The following MTMR14 variants were observed in gnomAD, a reference collection of about 807,000 sequenced individuals.
MTMR14 encodes the protein myotubularin related protein 14.
In MTMR14, 48 loss-of-function variants were observed where a neutral mutation model predicts 86.3. That is an observed-to-expected ratio of 0.56 (90% CI 0.44 to 0.71). MTMR14 has a LOEUF of 0.71. Among genes scored for constraint, MTMR14 ranks in the 30% least tolerant of loss-of-function variants. MTMR14 has a pLI of 0.00. For synonymous variants in MTMR14, 366 were observed against 326.1 expected (o/e 1.12, Z -1.32); for missense variants, 780 against 834.6 (o/e 0.93, Z 0.81).
chr3:9,687,519 C>T (rs1432592608), intron 13 of MTMR14, among the ~76,000 whole-genome samples: 1 of 151,814 alleles, frequency 6.6e-6, no homozygotes, highest in African/African-American at 2.4e-5. Flanking sequence ...CACGCCATTG[C>T]ACTCCAGCCT....
intron 13 of MTMR14, among the ~76,000 whole-genome samples, chr3:9,686,135 T>C (rs1461454965): frequency 6.6e-6 from 1 of 152,188 alleles, no homozygotes; most frequent in Non-Finnish European, 1.5e-5. Context: ...CCGTCTCAGC[T>C]GCTCCTCTCC....
chr3:9,694,648 G>C (rs924497330), intron 17 of MTMR14, among the ~76,000 whole-genome samples: 1 of 152,170 alleles, frequency 6.6e-6, no homozygotes, highest in African/African-American at 2.4e-5. Context: ...TCATTTGTCC[G>C]AGAGCCTGTA....
Position 9,686,867 on chromosome 3 carries a change from C to T in MTMR14, c.1165-954C>T, listed in dbSNP as rs532546982. 7.2e-5 allele frequency among the ~76,000 whole-genome samples: 11 copies of T among 152,254 alleles called. No individual in the cohort carries two copies. The South Asian group carries it at 2.3e-3, about 32-fold the overall frequency. On this transcript the variant is annotated intron_variant, in intron 13 of 18. Transcript: ENST00000296003. ...TGTGTGCTTCCTGGAGGCCCCTGGG[C>T]GAGGCACTGGCTGGAAGGGAGAAGA...
At chr3:9,675,392 G>A (rs1444786656) in intron 7 of MTMR14, 11 of 266,274 alleles carry the variant, frequency 4.1e-5, no homozygotes, top group Non-Finnish European at 7.7e-5. Context: ...ACCAAGTCAC[G>A]AGCTGCACTT....
chr3:9,661,963 T>G (rs1215120802), intron 2 of MTMR14, among the ~76,000 whole-genome samples: 1 of 151,900 alleles, frequency 6.6e-6, no homozygotes, highest in Admixed American at 6.6e-5. Flanking sequence ...GGCTCACACC[T>G]GTAGTCACAG....
At chr3:9,671,863 A>T (rs182644750) in intron 6 of MTMR14, among the ~76,000 whole-genome samples, 1 of 152,196 alleles carries the variant, frequency 6.6e-6, no homozygotes, top group Non-Finnish European at 1.5e-5. Context: ...AAATGATCCT[A>T]AAAGGTGGTC....
intron 9 of MTMR14, among the ~76,000 whole-genome samples, chr3:9,682,007 C>T (rs759655293): frequency 1.3e-5 from 2 of 152,210 alleles, no homozygotes; most frequent in South Asian, 2.1e-4. Context: ...CTGCCCTCCC[C>T]GGCTGCTGCA....
chr3:9,664,533 A>G (rs1253755161), intron 3 of MTMR14, among the ~76,000 whole-genome samples: 1 of 152,140 alleles, frequency 6.6e-6, no homozygotes, highest in Non-Finnish European at 1.5e-5. Flanking sequence ...TAAAGAAAAT[A>G]TGGTACATGT....
In MTMR14 at chr3:9,679,001, C is replaced by T. The variant is rs908447039; in HGVS notation, c.897+943C>T. On this transcript the variant is annotated intron_variant, in intron 9 of 18. Transcript: ENST00000296003. ...TGTCCCCAGGTCTGGACAGCTCCCA[C>T]CCAGCCTTGAGATCTCTCTTTCTTT... Among the ~76,000 whole-genome samples the T allele has an allele frequency of 2.0e-5, 3 of 152,206 alleles. No individual in the cohort carries two copies. The South Asian group carries it at 6.2e-4, about 31-fold the overall frequency.
intron 17 of MTMR14, among the ~76,000 whole-genome samples, chr3:9,693,919 G>A (rs1259273892): frequency 6.6e-6 from 1 of 152,192 alleles, no homozygotes; most frequent in Non-Finnish European, 1.5e-5. Flanking sequence ...GCCTGATCAA[G>A]GTTCCAGCTC....
At position 9,701,395 on chromosome 3, in the gene MTMR14, T is replaced by C; in HGVS notation, c.1770-395T>C. ...GCCTGGGCAACATGGTAAAACCCTA[T>C]CATGGTGGCATGTGCCTGTAGTCCC... On this transcript the variant is annotated intron_variant, in intron 18 of 18. Coordinates refer to ENST00000296003, the MANE Select transcript of MTMR14 (RefSeq NM_001077525.3). This position sits in a 1 kb window ranked among gnomAD's most constrained non-coding sequence, Gnocchi z 4.2. 1 of 309,710 alleles carries C rather than the reference T, an allele frequency of 3.2e-6. No homozygotes were observed. Among genetic ancestry groups the C allele is most frequent in the Non-Finnish European group, 6.3e-6 (1 of 159,782 alleles). The allele number at this position is 309,710 out of a possible 1,614,324, so 19.2% of individuals were successfully genotyped here. A position where few individuals can be genotyped will look rare whatever the true frequency, so the allele number is the denominator to read the frequency against.
intron 4 of MTMR14, among the ~76,000 whole-genome samples, 162 bp downstream of exon 4, chr3:9,668,956 G>A (rs1311218480): frequency 1.3e-5 from 2 of 151,956 alleles, no homozygotes; most frequent in Non-Finnish European, 2.9e-5. Flanking sequence ...TGGCTAACAC[G>A]GTGAAACCCC....
Position 9,677,193 on chromosome 3 carries a change from C to G in MTMR14, c.752-124C>G. On this transcript the variant is annotated intron_variant, in intron 7 of 18. Transcript: ENST00000296003. The surrounding 1 kb of genome is among the most constrained non-coding windows in gnomAD (Gnocchi z 4.2). ...GCCTTGGCCTCACTGAAGCCACTAG[C>G]TTGGAGAAGTGTGAGTTGGCGGCCC... 1 of 824,860 alleles carries G rather than the reference C, an allele frequency of 1.2e-6. No homozygotes were observed. The highest frequency in any genetic ancestry group is 2.0e-5 in the Admixed American group (1 of 51,056). The allele number at this position is 824,860 out of a possible 1,614,324, so 51.1% of individuals were successfully genotyped here.
chr3:9,679,366 G>A (rs1457725291), intron 9 of MTMR14, among the ~76,000 whole-genome samples: 3 of 152,308 alleles, frequency 2.0e-5, no homozygotes, highest in East Asian at 1.9e-4. Context: ...TAAAAGAACC[G>A]GCAGGCTTCC....
At chr3:9,662,828 T>C (rs1475654284) in intron 3 of MTMR14, among the ~76,000 whole-genome samples, 3 of 152,230 alleles carry the variant, frequency 2.0e-5, no homozygotes, top group Non-Finnish European at 2.9e-5. Context: ...TACATCACCA[T>C]GTAAAGCAGA....
intron 9 of MTMR14, among the ~76,000 whole-genome samples, chr3:9,682,564 CT>C (rs2075802919): frequency 6.6e-6 from 1 of 152,192 alleles, no homozygotes; most frequent in African/African-American, 2.4e-5. Context: ...CTCTTTAAAG[CT>C]TTTGCTTAAT....
chr3:9,688,318 C>T (rs1050971089), intron 14 of MTMR14, among the ~76,000 whole-genome samples: 4 of 152,202 alleles, frequency 2.6e-5, no homozygotes, highest in Non-Finnish European at 5.9e-5. Flanking sequence ...AGTCTGCTTC[C>T]GGCCTGGGAA....
At chr3:9,689,403 C>A (rs1277202043) in intron 16 of MTMR14, among the ~76,000 whole-genome samples, 2 of 151,944 alleles carry the variant, frequency 1.3e-5, no homozygotes, top group Non-Finnish European at 1.5e-5. Flanking sequence ...AGATAGGGGG[C>A]CATTTTGGAA....
chr3:9,695,653 G>T (rs1354265895), intron 17 of MTMR14, among the ~76,000 whole-genome samples: 1 of 152,204 alleles, frequency 6.6e-6, no homozygotes, highest in Non-Finnish European at 1.5e-5. Context: ...GGCTCTTGGG[G>T]AGTGGTTTTG....
Sources: allele counts gnomAD v4.1 joint callset (sites outside exome capture counted in the v4.1 genomes callset), GRCh38; gene constraint gnomAD v4.1.1; non-coding constraint Gnocchi (gnomAD v3.1); transcripts MANE v1.5; gene names NCBI Gene and HGNC (gene_info 2026-07-23, HGNC 2026-07-21).